The following TENM4 variants were observed in gnomAD, a reference collection of about 807,000 sequenced individuals.
TENM4 encodes teneurin transmembrane protein 4.
In TENM4, 82 loss-of-function variants were observed where a neutral mutation model predicts 243.3. The observed-to-expected ratio is 0.34, with a 90% confidence interval of 0.28 to 0.40. TENM4 has a LOEUF of 0.40. TENM4 is among the 10% of genes least tolerant of loss of function. TENM4 has a pLI of 1.00. For missense variants in TENM4, 3,138 were observed against 3,673.3 expected (o/e 0.85, Z 3.77); for synonymous variants, 1,412 against 1,456.3 (o/e 0.97, Z 0.69).
chr11:78,759,393 T>C (rs529619470), intron 18 of TENM4, among the ~76,000 whole-genome samples: 1 of 152,352 alleles, frequency 6.6e-6, no homozygotes, highest in South Asian at 2.1e-4. Context: ...AAATGCTCCA[T>C]TATTCAATCC....
intron 3 of TENM4, among the ~76,000 whole-genome samples, chr11:79,160,022 G>A (rs1331177760): frequency 6.6e-6 from 1 of 151,654 alleles, no homozygotes; most frequent in East Asian, 1.9e-4. Context: ...CATTCATTAA[G>A]TAAATCATTC....
intron 4 of TENM4, among the ~76,000 whole-genome samples, chr11:79,074,550 C>T (rs998112553): frequency 6.6e-6 from 1 of 152,240 alleles, no homozygotes; most frequent in African/African-American, 2.4e-5. Flanking sequence ...TTCCTTGTCT[C>T]TCTCTGCTTC....
At chr11:79,362,661 C>A (rs1857609638) in intron 1 of TENM4, among the ~76,000 whole-genome samples, 1 of 152,168 alleles carries the variant, frequency 6.6e-6, no homozygotes, top group African/African-American at 2.4e-5. Context: ...AGGCTAAGAG[C>A]ACAGATTTAG....
chr11:78,933,569 G>GA (rs1430633313), intron 6 of TENM4, among the ~76,000 whole-genome samples: 1 of 152,170 alleles, frequency 6.6e-6, no homozygotes, highest in Non-Finnish European at 1.5e-5. Context: ...CAAACACCCA[G>GA]CCACGTTAAA....
intron 3 of TENM4, among the ~76,000 whole-genome samples, chr11:79,163,554 C>T (rs1862803777): frequency 1.3e-5 from 2 of 151,828 alleles, no homozygotes; most frequent in Non-Finnish European, 2.9e-5. Context: ...CCTACCCTTT[C>T]CCCTGAGTCC....
At chr11:79,358,002 C>CA (rs1284864744) in intron 1 of TENM4, among the ~76,000 whole-genome samples, 1 of 152,172 alleles carries the variant, frequency 6.6e-6, no homozygotes, top group Non-Finnish European at 1.5e-5. Context: ...GAAATGTTTC[C>CA]ACTTTGAAAT....
At chr11:78,982,656 C>A (rs1282290897) in intron 6 of TENM4, among the ~76,000 whole-genome samples, 1 of 152,194 alleles carries the variant, frequency 6.6e-6, no homozygotes, top group Non-Finnish European at 1.5e-5. Context: ...CACCCAGCTG[C>A]AACATCCAAC....
chr11:79,122,790 C>T (rs528490545), intron 4 of TENM4, among the ~76,000 whole-genome samples: 1 of 152,352 alleles, frequency 6.6e-6, no homozygotes, highest in East Asian at 1.9e-4. Flanking sequence ...ATTCCCACCA[C>T]ACCCTGTGAA....
At chr11:78,767,544 T>C (rs571691013) in intron 18 of TENM4, among the ~76,000 whole-genome samples, 14 of 152,236 alleles carry the variant, frequency 9.2e-5, no homozygotes, top group Non-Finnish European at 1.6e-4. Context: ...ACTTTCTCTG[T>C]GATTATGATG....
At chr11:78,741,484 C>T (rs1018092051) in intron 19 of TENM4, among the ~76,000 whole-genome samples, 29 of 152,244 alleles carry the variant, frequency 1.9e-4, no homozygotes, top group African/African-American at 2.6e-4. Flanking sequence ...ACCGTGGAGA[C>T]GCGATGGTCC....
chr11:79,291,819 A>C (rs562721194), intron 2 of TENM4, among the ~76,000 whole-genome samples: 1 of 152,284 alleles, frequency 6.6e-6, no homozygotes, highest in East Asian at 1.9e-4. Flanking sequence ...CCCTCTGCCA[A>C]TGAGTATTCA....
At chr11:79,143,536 G>GGAGT (rs1305311772) in intron 4 of TENM4, among the ~76,000 whole-genome samples, 1 of 151,992 alleles carries the variant, frequency 6.6e-6, no homozygotes, top group Non-Finnish European at 1.5e-5. Flanking sequence ...TGGGGTGGAG[G>GGAGT]GAGTGGGGAG....
At chr11:78,677,896 T>C (rs1321253273) in intron 29 of TENM4, among the ~76,000 whole-genome samples, 1 of 129,096 alleles carries the variant, frequency 7.7e-6, no homozygotes, top group Non-Finnish European at 1.6e-5. Flanking sequence ...TAGCATTAGG[T>C]ATATCTCCCA....
At chr11:79,081,293 T>A (rs1026477431) in intron 4 of TENM4, among the ~76,000 whole-genome samples, 1 of 152,212 alleles carries the variant, frequency 6.6e-6, no homozygotes, top group African/African-American at 2.4e-5. Context: ...CCAGAGAAGA[T>A]GCTCTGTTGA....
At chr11:79,159,153 C>T (rs1433912657) in intron 3 of TENM4, among the ~76,000 whole-genome samples, 1 of 152,158 alleles carries the variant, frequency 6.6e-6, no homozygotes, top group African/African-American at 2.4e-5. Flanking sequence ...GGGGGCTCTA[C>T]ATGGCCCTCA....
Position 79,064,933 on chromosome 11 carries a change from T to C in TENM4, c.298A>G (p.Ile100Val). 4 of 1,535,148 alleles carry C rather than the reference T, an allele frequency of 2.6e-6. No individual in the cohort carries two copies. In the South Asian group the frequency reaches 4.9e-5, roughly 19 times the overall value. ...GAGTAGCCGCAGTGGGGGAGGCCAA[T>C]GTCTGTCCGGTACAGGGTCCCGTGA... ...PPHGTLYRTD[I>V]GLPHCGYSMG... The change falls in exon 6 of 34, where the codon ATT becomes GTT. Residue 100 changes from isoleucine to valine, a missense_variant. Physicochemically the swap from Ile to Val is conservative, Grantham distance 29 (BLOSUM62 3). Coordinates refer to ENST00000278550, the MANE Select transcript of TENM4 (RefSeq NM_001098816.3).
chr11:78,920,588 T>C (rs751763247), intron 6 of TENM4, among the ~76,000 whole-genome samples: 3 of 152,142 alleles, frequency 2.0e-5, no homozygotes, highest in African/African-American at 4.8e-5. Flanking sequence ...CTTACTCACA[T>C]TGATTTTTTT....
chr11:78,749,609 A>G (rs1856134836), intron 19 of TENM4, among the ~76,000 whole-genome samples: 1 of 152,172 alleles, frequency 6.6e-6, no homozygotes. Flanking sequence ...ACGCTTGCAT[A>G]TGGCTTTAGG....
In TENM4 at chr11:78,656,787, C is replaced by G. The variant is rs191637506; in HGVS notation, c.*1271G>C. On this transcript the variant is annotated 3_prime_UTR_variant, in exon 34 of 34. Coordinates refer to ENST00000278550, the MANE Select transcript of TENM4 (RefSeq NM_001098816.3). ...GGCTTCTCTAGAGGGGAAGCTGTTT[C>G]AGAACTTCAGGAATTTCCTGGAAGC... 1,206 of 380,570 alleles carry G rather than the reference C, an allele frequency of 3.2e-3. 36 individuals are homozygous for G. The Admixed American group carries it at 0.046, about 15-fold the overall frequency. The allele number at this position is 380,570 out of a possible 1,614,324, so 23.6% of individuals were successfully genotyped here.
Sources: gnomAD v4.1 joint callset for allele counts (sites outside exome capture counted in the v4.1 genomes callset) on GRCh38, gnomAD v4.1.1 for gene constraint, MANE v1.5 for transcripts, NCBI Gene and HGNC (gene_info 2026-07-23, HGNC 2026-07-21) for gene names.